The following GRM6 variants were observed in gnomAD, a reference collection of about 807,000 sequenced individuals.
GRM6 encodes metabotropic glutamate receptor 6.
In GRM6, 73 loss-of-function variants were observed where a neutral mutation model predicts 78.4. That is an observed-to-expected ratio of 0.93 (90% CI 0.77 to 1.13). The LOEUF (loss-of-function observed/expected upper bound fraction) is 1.13. GRM6 is among the 50% of genes most tolerant of loss of function. The pLI, the probability that GRM6 is intolerant of heterozygous loss-of-function variation, is 0.00. For synonymous variants in GRM6, 580 were observed against 555.0 expected (o/e 1.05, Z -0.63); for missense variants, 1,251 against 1,256.4 (o/e 1.00, Z 0.07).
At chr5:178,989,907 A>C (rs768683211) in intron 5 of GRM6, 3 of 226,770 alleles carry the variant, frequency 1.3e-5, no homozygotes, top group Non-Finnish European at 2.6e-5. Flanking sequence ...CCCATGCCTA[A>C]AGTCACCAAC....
In GRM6 at chr5:178,991,871, C is replaced by T. The variant is rs775261569; in HGVS notation, c.717G>A (p.Glu239=). 13 of 1,613,468 alleles carry T rather than the reference C, an allele frequency of 8.1e-6. No individual in the cohort carries two copies. Among genetic ancestry groups the T allele is most frequent in the Middle Eastern group, 1.6e-4 (1 of 6,062 alleles). Residue 239 remains glutamate (E), a synonymous_variant, in exon 3 of 11, where the codon GAG becomes GAA. Coordinates refer to ENST00000517717, the MANE Select transcript of GRM6 (RefSeq NM_000843.4). The surrounding 1 kb of genome is among the most constrained non-coding windows in gnomAD (Gnocchi z 5.0). ...GCCTCGGAGCCCCCAGCTCACCAGC[C>T]TCTCGGGAGATCTGAACGAAGGCCT... ...GVEAFVQISR[E]AGGVCIAQSI...
intron 10 of GRM6, 197 bp downstream of exon 10, chr5:178,982,709 AAAAG>A: frequency 3.7e-6 from 2 of 544,542 alleles, no homozygotes; most frequent in Non-Finnish European, 6.5e-6. Context: ...AAAAAAGAAA[AAAAG>A]AAGAGTGGAA....
At position 178,981,565 on chromosome 5, in the gene GRM6, G is replaced by A; in HGVS notation, c.*92C>T. On this transcript the variant is annotated 3_prime_UTR_variant, in exon 11 of 11. Coordinates refer to ENST00000517717, the MANE Select transcript of GRM6 (RefSeq NM_000843.4). The surrounding 1 kb of genome is among the most constrained non-coding windows in gnomAD (Gnocchi z 5.1). Reference sequence around the variant, plus strand: ...CTTGGCAAACTCCCTGCCACTGACTGTTCACCGTGGACCCGGGCTCTATAC... The same window carrying A: ...CTTGGCAAACTCCCTGCCACTGACTATTCACCGTGGACCCGGGCTCTATAC... 2 of 998,614 alleles carry A rather than the reference G, an allele frequency of 2.0e-6. No homozygotes were observed. Among genetic ancestry groups the A allele is most frequent in the Non-Finnish European group, 1.5e-6 (1 of 647,628 alleles). The allele number at this position is 998,614 out of a possible 1,614,324, so 61.9% of individuals were successfully genotyped here.
intron 2 of GRM6, 69 bp downstream of exon 2, chr5:178,994,372 A>C: frequency 7.5e-7 from 1 of 1,335,576 alleles, no homozygotes; most frequent in Non-Finnish European, 9.9e-7. Flanking sequence ...AAGGAAGGAG[A>C]CTTGGGCCAC....
At chr5:178,985,819 T>G (rs186060252) in intron 9 of GRM6, 2 of 523,492 alleles carry the variant, frequency 3.8e-6, no homozygotes, top group Non-Finnish European at 7.1e-6. Context: ...TGGATTGTAG[T>G]GGTGCGATCT....
At chr5:178,987,765 A>G (rs1164874012) in intron 7 of GRM6, among the ~76,000 whole-genome samples, 1 of 151,856 alleles carries the variant, frequency 6.6e-6, no homozygotes, top group Non-Finnish European at 1.5e-5. Flanking sequence ...TTTATTATTT[A>G]TTTATTTATT....
intron 9 of GRM6, among the ~76,000 whole-genome samples, chr5:178,983,907 C>T (rs1022859958): frequency 6.6e-5 from 10 of 152,184 alleles, no homozygotes; most frequent in Admixed American, 2.6e-4. Context: ...GTTCACTGTA[C>T]GAGAGCGCCT....
At chr5:178,985,368 G>C (rs1760491544) in intron 9 of GRM6, 1 of 401,210 alleles carries the variant, frequency 2.5e-6, no homozygotes, top group Non-Finnish European at 4.9e-6. Context: ...CTGAGCTGCT[G>C]TCACAGGAGG....
Position 178,994,664 on chromosome 5 carries a change from C to T in GRM6, c.281G>A (p.Arg94Gln). 1 of 1,467,836 alleles carries T rather than the reference C, an allele frequency of 6.8e-7. No individual in the cohort carries two copies. Among genetic ancestry groups the T allele is most frequent in the Non-Finnish European group, 9.0e-7 (1 of 1,112,768 alleles). 90.9% of individuals were successfully genotyped at this position (1,467,836 alleles called of 1,614,324 possible). A position where few individuals can be genotyped will look rare whatever the true frequency, so the allele number is the denominator to read the frequency against. Residue 94 changes from arginine (R) to glutamine (Q), a missense_variant, in exon 2 of 11, where the codon CGG (arginine) becomes CAG (glutamine). Physicochemically the swap from Arg to Gln is conservative, Grantham distance 43. Transcript: ENST00000517717. ...ELLPGVRLGA[R>Q]LLDTCSRDTY... ...GTCCCGCGAGCAGGTGTCCAGCAGCCGCGCGCCCAGGCGCACGCCGGGCAG... is the reference window on the plus strand; with the variant it reads ...GTCCCGCGAGCAGGTGTCCAGCAGCTGCGCGCCCAGGCGCACGCCGGGCAG...
In GRM6 at chr5:178,986,819, G is replaced by C; in HGVS notation, c.1500+19C>G. 1 of 1,613,162 alleles carries C rather than the reference G, an allele frequency of 6.2e-7. No homozygotes were observed. The highest frequency in any genetic ancestry group is 8.5e-7 in the Non-Finnish European group (1 of 1,179,788). The stretch of plus-strand genomic sequence containing the variant: ...GATCCTGGGCCCATGCCCACCTGGG[G>C]CTCGGTCTGCACACTCACATCCAGT... On this transcript the variant is annotated intron_variant, in intron 8 of 10. Coordinates refer to ENST00000517717, the MANE Select transcript of GRM6 (RefSeq NM_000843.4).
At position 178,992,277 on chromosome 5, in the gene GRM6, T is replaced by TGGGCAAGGTC. The variant is rs771738700; in HGVS notation, c.505-195_505-194insGACCTTGCCC. ...AGCCACCTGGAAAGGCTGGAAGCTG[T>TGGGCAAGGTC]GGTGTTTTGCGAGTGGGCCTGAGAA... is the stretch of plus-strand genomic sequence containing the variant. On this transcript the variant is annotated intron_variant, in intron 2 of 10. Coordinates refer to ENST00000517717, the MANE Select transcript of GRM6 (RefSeq NM_000843.4). This position sits in a 1 kb window ranked among gnomAD's most constrained non-coding sequence, Gnocchi z 4.9. 3.0e-6 allele frequency: 1 copy of TGGGCAAGGTC among 333,346 alleles called. No individual in the cohort carries two copies. Among genetic ancestry groups the TGGGCAAGGTC allele is most frequent in the Middle Eastern group, 6.4e-4 (1 of 1,558 alleles). 20.6% of individuals were successfully genotyped at this position (333,346 alleles called of 1,614,324 possible).
At chr5:178,985,064 C>T (rs559834093) in intron 9 of GRM6, among the ~76,000 whole-genome samples, 58 of 152,234 alleles carry the variant, frequency 3.8e-4, no homozygotes, top group Middle Eastern at 6.8e-3. Flanking sequence ...ACGGCCAGCA[C>T]GAAACGCTGG....
At chr5:178,987,017 C>T in intron 7 of GRM6, 34 bp from the exon 8 acceptor site, 1 of 1,606,784 alleles carries the variant, frequency 6.2e-7, no homozygotes, top group Non-Finnish European at 8.5e-7. Flanking sequence ...CGGTGGTCCT[C>T]CAGCCCAGCA....
chr5:178,991,773 G>T lies in GRM6; in HGVS notation c.721+94C>A. On this transcript the variant is annotated intron_variant, in intron 3 of 10. Coordinates refer to ENST00000517717, the MANE Select transcript of GRM6 (RefSeq NM_000843.4). This position sits in a 1 kb window ranked among gnomAD's most constrained non-coding sequence, Gnocchi z 5.0. ...AGCCAGGCAACCTCGGCCCAGCATGGACCTGGGCCCCCCATCTTTCTGCTT... is the reference window on the plus strand; with the variant it reads ...AGCCAGGCAACCTCGGCCCAGCATGTACCTGGGCCCCCCATCTTTCTGCTT... The T allele has an allele frequency of 8.2e-7, 1 of 1,215,836 alleles. No homozygotes were observed. Among genetic ancestry groups the T allele is most frequent in the Non-Finnish European group, 1.2e-6 (1 of 832,922 alleles). The allele number at this position is 1,215,836 out of a possible 1,614,324, so 75.3% of individuals were successfully genotyped here. A position where few individuals can be genotyped will look rare whatever the true frequency, so the allele number is the denominator to read the frequency against.
At chr5:178,985,217 T>C (rs776382399) in intron 9 of GRM6, 7 of 454,492 alleles carry the variant, frequency 1.5e-5, no homozygotes, top group Admixed American at 7.1e-5. Flanking sequence ...CCTGTTTCCA[T>C]ATGTGAGCCA....
At position 178,987,539 on chromosome 5, in the gene GRM6, C is replaced by T. The variant is rs1561718509; in HGVS notation, c.1355-556G>A. The T allele has an allele frequency of 9.2e-6, 4 of 433,514 alleles. 1 individual carries two copies. Among genetic ancestry groups the T allele is most frequent in the South Asian group, 4.9e-5 (3 of 60,608 alleles). The allele number at this position is 433,514 out of a possible 1,614,324, so 26.9% of individuals were successfully genotyped here. A position where few individuals can be genotyped will look rare whatever the true frequency, so the allele number is the denominator to read the frequency against. ...GGATGGACCTGGAGGACATGATGCT[C>T]GGTGAAACAAGCCAGTCACACATGC... On this transcript the variant is annotated intron_variant, in intron 7 of 10. Coordinates refer to ENST00000517717, the MANE Select transcript of GRM6 (RefSeq NM_000843.4).
intron 9 of GRM6, chr5:178,985,609 A>G (rs1025045271): frequency 8.5e-5 from 30 of 354,190 alleles, no homozygotes; most frequent in Non-Finnish European, 1.3e-4. Flanking sequence ...AGGCTGAGGC[A>G]GGAGAATGGC....
At chr5:178,989,215 T>TCCCCCCCCCCCCCCCCCCC in intron 6 of GRM6, 50 bp downstream of exon 6, 1 of 886,694 alleles carries the variant, frequency 1.1e-6, no homozygotes, top group East Asian at 3.3e-5. Context: ...CTCCCCACCC[T>TCCCCCCCCCCCCCCCCCCC]CACCACCCTC....
chr5:178,986,683 G>T lies in GRM6; in HGVS notation c.1571C>A (p.Pro524Gln). The change falls in exon 9 of 11, where the codon CCG becomes CAG. Residue 524 changes from proline to glutamine, a missense_variant. Transcript: ENST00000517717. Reference sequence around the variant, plus strand: ...CTTCACCATCTTCTTCCGCTCCCCCGGCCCGCAGGGCAGGCTGCACAGAGA... The same window carrying T: ...CTTCACCATCTTCTTCCGCTCCCCCTGCCCGCAGGGCAGGCTGCACAGAGA... ...PSSLCSLPCGPGERKKMVKGV... is the reference protein window; with the variant it reads ...PSSLCSLPCGQGERKKMVKGV... The T allele has an allele frequency of 1.2e-6, 2 of 1,603,710 alleles. No individual in the cohort carries two copies. Among genetic ancestry groups the T allele is most frequent in the African/African-American group, 2.7e-5 (2 of 75,036 alleles).
Sources: allele counts gnomAD v4.1 joint callset (sites outside exome capture counted in the v4.1 genomes callset), GRCh38; gene constraint gnomAD v4.1.1; non-coding constraint Gnocchi (gnomAD v3.1); transcripts MANE v1.5; gene names NCBI Gene and HGNC (gene_info 2026-07-23, HGNC 2026-07-21).